DNAH2: variants seen among roughly 807,000 people sequenced by gnomAD.
DNAH2 encodes axonemal beta dynein heavy chain 2.
A neutral mutation model predicts 523.5 loss-of-function variants in DNAH2; 323 were observed. That is an observed-to-expected ratio of 0.62 (90% confidence interval 0.56 to 0.68). The LOEUF is 0.68. DNAH2 is among the 30% of genes least tolerant of loss of function. The pLI is 0.00. For missense variants in DNAH2, 4,907 were observed against 5,701.5 expected (o/e 0.86, Z 4.49); for synonymous variants, 2,093 against 2,177.4 (o/e 0.96, Z 1.08).
In DNAH2 at chr17:7,723,646, C is replaced by T. The variant is rs112374226; in HGVS notation, c.185C>T (p.Pro62Leu). 1.9e-6 allele frequency: 3 copies of T among 1,613,976 alleles called. No individual in the cohort carries two copies. In the South Asian group the frequency reaches 3.3e-5, roughly 18 times the overall value. Residue 62 changes from proline to leucine, a missense_variant, in exon 3 of 86, where the codon CCT (proline) becomes CTT (leucine). Physicochemically the swap from Pro to Leu is moderately conservative, Grantham distance 98. Around this residue, in one of 3 missense-constraint regions of DNAH2, gnomAD observed 2,806 missense variants for 3,190.8 expected, o/e 0.88. Transcript: ENST00000572933. Reference sequence around the variant, plus strand: ...TTCCTAGAGCCACGGTTGGAGGGACCTCAAGCACAGAGTGAAGAATCAGTG... The same window carrying T: ...TTCCTAGAGCCACGGTTGGAGGGACTTCAAGCACAGAGTGAAGAATCAGTG... ...KEEPEPRLEG[P>L]QAQSEESVEP...
intron 65 of DNAH2, 30 bp downstream of exon 65, chr17:7,817,445 G>C: frequency 6.2e-7 from 1 of 1,613,548 alleles, no homozygotes. Flanking sequence ...TGACAAGTAG[G>C]CTCCGAGACC....
At position 7,818,353 on chromosome 17, in the gene DNAH2, T is replaced by C; in HGVS notation, c.10429T>C (p.Tyr3477His). The change falls in exon 69 of 86, where the codon TAT becomes CAT. Residue 3477 changes from tyrosine (Y) to histidine (H), a missense_variant. Coordinates refer to ENST00000572933, the MANE Select transcript of DNAH2 (RefSeq NM_020877.5). ...LMRIGDKEVE[Y>H]NTNFRFYITT... ...GCGCATTGGCGATAAGGAGGTGGAA[T>C]ATAATACCAATTTCCGTTTCTACAT... 1 of 1,614,128 alleles carries C rather than the reference T, an allele frequency of 6.2e-7. No individual in the cohort carries two copies. The highest frequency in any genetic ancestry group is 1.3e-5 in the African/African-American group (1 of 75,022).
At chr17:7,800,176 C>T (rs1036424309) in intron 56 of DNAH2, among the ~76,000 whole-genome samples, 1 of 152,126 alleles carries the variant, frequency 6.6e-6, no homozygotes, top group Admixed American at 6.5e-5. Flanking sequence ...CTTAGCCTCC[C>T]AGTAGCTAGG....
At chr17:7,734,146 C>G in intron 5 of DNAH2, 37 bp from the exon 6 acceptor site, 2 of 1,539,554 alleles carry the variant, frequency 1.3e-6, no homozygotes, top group Non-Finnish European at 1.8e-6. Context: ...AAGAACTCAT[C>G]CCCTCTGTCC....
At chr17:7,794,457 C>T (rs1329821989) in intron 49 of DNAH2, 99 bp downstream of exon 49, 7 of 1,068,642 alleles carry the variant, frequency 6.6e-6, no homozygotes, top group East Asian at 2.8e-5. Context: ...GCTGCGGCAC[C>T]CCAAGTGGAG....
Position 7,763,940 on chromosome 17 carries a change from G to A in DNAH2, c.3088G>A (p.Glu1030Lys). 6.2e-7 allele frequency: 1 copy of A among 1,614,228 alleles called. No individual in the cohort carries two copies. The highest frequency in any genetic ancestry group is 1.3e-5 in the African/African-American group (1 of 75,054). ...LKFSLVQHCN[E>K]WQNKFATLLR... ...GTTCTCCCTGGTGCAGCACTGCAAT[G>A]AATGGCAGAACAAGTTCGCGACTCT... Residue 1030 changes from glutamate (E) to lysine (K), a missense_variant, in exon 19 of 86, where the codon GAA (glutamate) becomes AAA (lysine). Glu to Lys is a moderately conservative substitution (Grantham distance 56). This residue lies in a region of DNAH2 where 2,806 missense variants were observed against 3,190.8 expected (regional missense o/e 0.88). Coordinates refer to ENST00000572933, the MANE Select transcript of DNAH2 (RefSeq NM_020877.5).
rs1334750802 is a variant in DNAH2 at position 7,805,257 on chromosome 17, G to A, written c.9306G>A (p.Leu3102=). 6.2e-7 allele frequency: 1 copy of A among 1,614,218 alleles called. No homozygotes were observed. The highest frequency in any genetic ancestry group is 1.7e-5 in the Admixed American group (1 of 60,028). ...LPALEEAMRA[L]ESLNKKDIGE... ...TTTATCCCCTTTTCCCCCAGGCCCTGGAGTCTCTGAACAAGAAGGATATAG... is the reference window on the plus strand; with the variant it reads ...TTTATCCCCTTTTCCCCCAGGCCCTAGAGTCTCTGAACAAGAAGGATATAG... Residue 3102 remains leucine (L), a synonymous_variant, in exon 61 of 86, where the codon CTG becomes CTA. Transcript: ENST00000572933.
chr17:7,810,711 C>T (rs1366591890), intron 63 of DNAH2, among the ~76,000 whole-genome samples: 2 of 106,316 alleles, frequency 1.9e-5, no homozygotes, highest in Admixed American at 2.3e-4. Flanking sequence ...TTTAATACAA[C>T]TTCACAACTA....
At chr17:7,779,070 A>T (rs978122691) in intron 35 of DNAH2, among the ~76,000 whole-genome samples, 173 bp from the exon 36 acceptor site, 2 of 152,100 alleles carry the variant, frequency 1.3e-5, no homozygotes, top group African/African-American at 4.8e-5. Context: ...GCCCCATCTG[A>T]TGGAAAGTTC....
At chr17:7,792,429 A>G in intron 46 of DNAH2, 86 bp downstream of exon 46, 2 of 1,386,614 alleles carry the variant, frequency 1.4e-6, no homozygotes, top group Non-Finnish European at 2.0e-6. Flanking sequence ...AGAAGCAAAA[A>G]TGAGCAATAG....
chr17:7,778,583 A>G (rs891240730), intron 35 of DNAH2, 114 bp downstream of exon 35: 2 of 927,414 alleles, frequency 2.2e-6, no homozygotes, highest in African/African-American at 1.7e-5. Flanking sequence ...ATTGCATCAC[A>G]TGTAATTCTT....
At chr17:7,823,357 G>GAGAC in intron 73 of DNAH2, 85 bp from the exon 74 acceptor site, 7 of 1,382,596 alleles carry the variant, frequency 5.1e-6, no homozygotes, top group Non-Finnish European at 7.0e-6. Flanking sequence ...CAGAGAGAGA[G>GAGAC]AGAGAGAGAG....
chr17:7,721,004 C>T (rs199992396), intron 2 of DNAH2, among the ~76,000 whole-genome samples: 3 of 109,732 alleles, frequency 2.7e-5, no homozygotes, highest in Admixed American at 1.0e-4. Context: ...TTCTTTCTTT[C>T]TTTTTTTTTT....
intron 39 of DNAH2, among the ~76,000 whole-genome samples, chr17:7,782,591 C>T (rs917526025): frequency 6.6e-6 from 1 of 152,068 alleles, no homozygotes; most frequent in Non-Finnish European, 1.5e-5. Context: ...ACAAAACACA[C>T]AAGGAAACAA....
Position 7,740,899 on chromosome 17 carries a change from G to T in DNAH2, c.1596G>T (p.Lys532Asn), listed in dbSNP as rs1324535942. 7 of 1,614,108 alleles carry T rather than the reference G, an allele frequency of 4.3e-6. No homozygotes were observed. Among genetic ancestry groups the T allele is most frequent in the Non-Finnish European group, 5.9e-6 (7 of 1,179,944 alleles). Residue 532 changes from lysine (K) to asparagine (N), a missense_variant, in exon 11 of 86, where the codon AAG becomes AAT. Coordinates refer to ENST00000572933, the MANE Select transcript of DNAH2 (RefSeq NM_020877.5). ...ELALVNRERN[K>N]KWPDLEPYVA... is the part of the protein sequence containing the mutation. ...CCCTGGTGAACCGTGAACGGAACAA[G>T]AAATGGCCAGACCTGGAGCCCTACG...
chr17:7,728,187 G>A (rs1006846395), intron 4 of DNAH2, among the ~76,000 whole-genome samples: 1 of 152,070 alleles, frequency 6.6e-6, no homozygotes, highest in African/African-American at 2.4e-5. Context: ...GTAGACCTAG[G>A]GTAGGGAGAC....
intron 46 of DNAH2, 94 bp from the exon 47 acceptor site, chr17:7,792,563 C>T: frequency 8.7e-7 from 1 of 1,151,224 alleles, no homozygotes. Context: ...GGGCAGGGTG[C>T]TGATGAGACA....
chr17:7,805,304 G>A lies in DNAH2; in HGVS notation c.9353G>A (p.Arg3118Gln), dbSNP rs889663031. ...KDIGEIKSYG[R>Q]PPAQVEIVMQ... Reference sequence around the variant, plus strand: ...ATAGGAGAGATCAAGTCTTATGGACGGCCCCCAGCCCAAGTGGAGATAGTG... The same window carrying A: ...ATAGGAGAGATCAAGTCTTATGGACAGCCCCCAGCCCAAGTGGAGATAGTG... Residue 3118 changes from arginine (R) to glutamine (Q), a missense_variant, in exon 61 of 86, where the codon CGG becomes CAG. By Grantham distance (43) the Arg-to-Gln change is conservative (BLOSUM62 1). Transcript: ENST00000572933. 6.2e-6 allele frequency: 10 copies of A among 1,614,110 alleles called. No homozygotes were observed. The highest frequency in any genetic ancestry group is 2.2e-5 in the East Asian group (1 of 44,900).
intron 53 of DNAH2, 25 bp downstream of exon 53, chr17:7,797,854 C>A: frequency 6.3e-7 from 1 of 1,590,134 alleles, no homozygotes. Context: ...CGCCTATCCC[C>A]TTCCCCATCA....
Sources: gnomAD v4.1 joint callset for allele counts (sites outside exome capture counted in the v4.1 genomes callset) on GRCh38, gnomAD v4.1.1 for gene constraint, gnomAD v4.1.1 regional missense constraint, MANE v1.5 for transcripts, NCBI Gene and HGNC (gene_info 2026-07-23, HGNC 2026-07-21) for gene names.